Variants in MAGI2 observed in about 807,000 individuals in gnomAD.
The protein encoded by MAGI2 is membrane associated guanylate kinase, WW and PDZ domain containing 2.
In MAGI2, 35 loss-of-function variants were observed where a neutral mutation model predicts 133.3. The ratio of observed to expected loss-of-function variants is 0.26; its 90% CI spans 0.20 to 0.35. The LOEUF (loss-of-function observed/expected upper bound fraction) is 0.35, where lower values mean the gene tolerates loss of function less well. MAGI2 is among the 10% of genes least tolerant of loss of function. The probability of loss-of-function intolerance (pLI) is 1.00; values close to 1 mark genes in which losing one functional copy is unlikely to be tolerated. For synonymous variants in MAGI2, 729 were observed against 710.6 expected (o/e 1.03, Z -0.41); for missense variants, 1,636 against 1,863.4 (o/e 0.88, Z 2.25).
chr7:78,391,698 GA>G (rs1795909678), intron 6 of MAGI2, among the ~76,000 whole-genome samples: 1 of 152,126 alleles, frequency 6.6e-6, no homozygotes, highest in Admixed American at 6.6e-5. Flanking sequence ...TGCAAAGCAT[GA>G]AAAAATTATA....
intron 16 of MAGI2, among the ~76,000 whole-genome samples, chr7:78,137,425 TAAGTATTAA>T (rs1822270693): frequency 6.6e-6 from 1 of 152,234 alleles, no homozygotes; most frequent in African/African-American, 2.4e-5. Context: ...AACTGATCTA[TAAGTATTAA>T]CTGTCATTCT....
rs1013564540 is a variant in MAGI2 at position 79,170,116 on chromosome 7, T to C, written c.302-162910A>G. On this transcript the variant is annotated intron_variant, in intron 1 of 21. Coordinates refer to ENST00000354212, the MANE Select transcript of MAGI2 (RefSeq NM_012301.4). ...TATTCAAGAATAATTAATTTTTCAA[T>C]GGTTACTTTGAGATATTATACTTTT... Among the ~76,000 whole-genome samples the C allele has an allele frequency of 2.7e-5, 4 of 148,592 alleles. No homozygotes were observed. The Admixed American group carries it at 2.7e-4, about 10-fold the overall frequency.
At chr7:78,168,703 C>T (rs1424899753) in intron 14 of MAGI2, among the ~76,000 whole-genome samples, 2 of 152,194 alleles carry the variant, frequency 1.3e-5, no homozygotes, top group African/African-American at 4.8e-5. Context: ...TGAAATAACT[C>T]ATGTGAAGCA....
chr7:79,385,884 C>G (rs1191985287), intron 1 of MAGI2, among the ~76,000 whole-genome samples: 1 of 151,906 alleles, frequency 6.6e-6, no homozygotes, highest in East Asian at 1.9e-4. Context: ...AGATGTTAAC[C>G]TGCCTCACGA....
intron 21 of MAGI2, among the ~76,000 whole-genome samples, chr7:78,031,579 A>G (rs553800560): frequency 3.5e-4 from 53 of 152,316 alleles, no homozygotes; most frequent in Non-Finnish European, 6.9e-4. Context: ...AGTTAGAAGA[A>G]TCTGAATTAA....
intron 2 of MAGI2, chr7:78,901,488 A>G (rs558006707): frequency 2.6e-5 from 4 of 152,196 alleles, no homozygotes; most frequent in Non-Finnish European, 5.9e-5. Context: ...TTAATAAGCA[A>G]TAATGAAGCT....
intron 3 of MAGI2, among the ~76,000 whole-genome samples, chr7:78,556,516 C>T (rs1031348906): frequency 6.6e-6 from 1 of 152,198 alleles, no homozygotes; most frequent in South Asian, 2.1e-4. Flanking sequence ...CTTAAAAGAA[C>T]CTTGTAGGAA....
At chr7:79,091,252 C>T (rs986925273) in intron 1 of MAGI2, among the ~76,000 whole-genome samples, 3 of 152,030 alleles carry the variant, frequency 2.0e-5, no homozygotes, top group Non-Finnish European at 4.4e-5. Context: ...CCTCCCACCC[C>T]ACCAACAGAA....
chr7:79,084,087 T>A (rs1298872861), intron 1 of MAGI2, among the ~76,000 whole-genome samples: 2 of 151,704 alleles, frequency 1.3e-5, no homozygotes, highest in Non-Finnish European at 3.0e-5. Flanking sequence ...ATTTGGTTAA[T>A]CTTTTCAAAG....
At chr7:78,748,473 G>A (rs1039636152) in intron 2 of MAGI2, among the ~76,000 whole-genome samples, 11 of 152,234 alleles carry the variant, frequency 7.2e-5, no homozygotes, top group African/African-American at 2.6e-4. Flanking sequence ...TTAATATAAG[G>A]TGATTCATTA....
In MAGI2 at chr7:79,210,380, A is replaced by C. The variant is rs949811385; in HGVS notation, c.302-203174T>G. Among the ~76,000 whole-genome samples, 4 of 152,078 alleles carry C rather than the reference A, an allele frequency of 2.6e-5. 1 individual carries two copies. The highest frequency in any genetic ancestry group is 9.7e-5 in the African/African-American group (4 of 41,344). On this transcript the variant is annotated intron_variant, in intron 1 of 21. Coordinates refer to ENST00000354212, the MANE Select transcript of MAGI2 (RefSeq NM_012301.4). ...CTGAGGTATCTGGGGCTTTCAGACCAGTCTTGATTGATCAGGATTCCTATT... is the reference window on the plus strand; with the variant it reads ...CTGAGGTATCTGGGGCTTTCAGACCCGTCTTGATTGATCAGGATTCCTATT...
chr7:78,955,936 G>T (rs1002717925), intron 2 of MAGI2, among the ~76,000 whole-genome samples: 12 of 151,770 alleles, frequency 7.9e-5, no homozygotes, highest in African/African-American at 2.2e-4. Flanking sequence ...ACTACCCAAA[G>T]ATGCCTTTTT....
chr7:78,637,162 C>T (rs969780187), intron 2 of MAGI2, among the ~76,000 whole-genome samples: 1 of 152,112 alleles, frequency 6.6e-6, no homozygotes, highest in Admixed American at 6.5e-5. Context: ...AGCCATGTAC[C>T]GGATTCACAG....
intron 1 of MAGI2, among the ~76,000 whole-genome samples, chr7:79,249,046 T>A (rs1022000764): frequency 6.6e-6 from 1 of 151,898 alleles, no homozygotes; most frequent in Admixed American, 6.6e-5. Context: ...GTATTTTTAG[T>A]AGAGATGGGA....
At chr7:79,447,437 C>T (rs1848933382) in intron 1 of MAGI2, among the ~76,000 whole-genome samples, 1 of 151,968 alleles carries the variant, frequency 6.6e-6, no homozygotes, top group African/African-American at 2.4e-5. Context: ...CAGATTATAG[C>T]TAGGAGAGAT....
intron 1 of MAGI2, among the ~76,000 whole-genome samples, chr7:79,296,267 A>C (rs924356507): frequency 2.0e-5 from 3 of 152,184 alleles, no homozygotes; most frequent in Non-Finnish European, 4.4e-5. Context: ...AATATCAGAA[A>C]TCATATCCCC....
intron 14 of MAGI2, among the ~76,000 whole-genome samples, chr7:78,177,675 GT>G (rs1358036539): frequency 6.6e-6 from 1 of 152,016 alleles, no homozygotes; most frequent in Non-Finnish European, 1.5e-5. Flanking sequence ...CTGTTCCCAG[GT>G]GGGTGTTACC....
At chr7:79,300,116 C>G (rs1260123576) in intron 1 of MAGI2, among the ~76,000 whole-genome samples, 1 of 152,108 alleles carries the variant, frequency 6.6e-6, no homozygotes, top group Non-Finnish European at 1.5e-5. Flanking sequence ...AAAATCAGTA[C>G]TGAGAAGTGA....
intron 1 of MAGI2, among the ~76,000 whole-genome samples, chr7:79,203,263 TC>T (rs1266919519): frequency 1.3e-5 from 2 of 152,056 alleles, no homozygotes; most frequent in Non-Finnish European, 2.9e-5. Context: ...TTAATAATCT[TC>T]CAAATAACAA....
Sources: gnomAD v4.1 joint callset for allele counts (sites outside exome capture counted in the v4.1 genomes callset) on GRCh38, gnomAD v4.1.1 for gene constraint, MANE v1.5 for transcripts, NCBI Gene and HGNC (gene_info 2026-07-23, HGNC 2026-07-21) for gene names.